SMAD4: variants seen among roughly 807,000 people sequenced by gnomAD.
SMAD4 encodes the protein MAD homolog 4.
In SMAD4, 7 loss-of-function variants were observed where a neutral mutation model predicts 63.2. The observed-to-expected ratio is 0.11, with a 90% CI of 0.06 to 0.21. SMAD4 has a LOEUF of 0.21. Among genes scored for constraint, SMAD4 ranks in the 10% least tolerant of loss-of-function variants. The pLI, the probability that SMAD4 is intolerant of heterozygous loss-of-function variation, is 1.00. For synonymous variants in SMAD4, 215 were observed against 235.4 expected (o/e 0.91, Z 0.79); for missense variants, 312 against 693.8 (o/e 0.45, Z 6.18).
rs2960498 is a variant in SMAD4, at chr18:51,039,190, G to C, written c.-127-7730G>C. 2.6e-5 allele frequency among the ~76,000 whole-genome samples: 4 copies of C among 152,236 alleles called. No homozygotes were observed. In the South Asian group the frequency reaches 8.3e-4, roughly 32 times the overall value. ...AAAGTAACTATTTCTATGCATTATC[G>C]ACTAAATTACTGATTGATTGAATTG... On this transcript the variant is annotated intron_variant, in intron 1 of 11. Coordinates refer to ENST00000342988, the MANE Select transcript of SMAD4 (RefSeq NM_005359.6).
chr18:51,078,558 G>A lies in SMAD4; in HGVS notation c.*91G>A, dbSNP rs1049875. On this transcript the variant is annotated 3_prime_UTR_variant, in exon 12 of 12. Coordinates refer to ENST00000342988, the MANE Select transcript of SMAD4 (RefSeq NM_005359.6). ...TAATCTGAAGATATATTTCACTTTT[G>A]TTCTGCTTTATCTTTTCATAAAGGG... The A allele has an allele frequency of 2.1e-6, 2 of 940,366 alleles. No individual in the cohort carries two copies. Among genetic ancestry groups the A allele is most frequent in the Non-Finnish European group, 3.3e-6 (2 of 611,616 alleles). The allele number at this position is 940,366 out of a possible 1,614,324, so 58.3% of individuals were successfully genotyped here.
chr18:51,076,783 A>G lies in SMAD4; in HGVS notation c.1447+7A>G, dbSNP rs747572179. ...GGAATAGCTCCAGCTATCAGTAAGT[A>G]TGCTTTTCATTCTTTTTTAAAGGTA... On this transcript the variant is annotated splice_region_variant and intron_variant, in intron 11 of 11. Coordinates refer to ENST00000342988, the MANE Select transcript of SMAD4 (RefSeq NM_005359.6). 9 of 1,593,886 alleles carry G rather than the reference A, an allele frequency of 5.6e-6. No homozygotes were observed. The highest frequency in any genetic ancestry group is 7.7e-6 in the Non-Finnish European group (9 of 1,166,728).
intron 10 of SMAD4, among the ~76,000 whole-genome samples, chr18:51,074,954 C>T (rs1910434214): frequency 6.6e-6 from 1 of 152,182 alleles, no homozygotes; most frequent in South Asian, 2.1e-4. Context: ...AAGTGATCCT[C>T]CCACCTGGGC....
intron 1 of SMAD4, among the ~76,000 whole-genome samples, chr18:51,039,194 A>G (rs564508234): frequency 5.9e-5 from 9 of 152,360 alleles, no homozygotes; most frequent in East Asian, 1.9e-4. Flanking sequence ...ATTATCGACT[A>G]AATTACTGAT....
At chr18:51,055,541 A>AG (rs397976297) in intron 5 of SMAD4, among the ~76,000 whole-genome samples, 11 of 150,844 alleles carry the variant, frequency 7.3e-5, no homozygotes, top group African/African-American at 1.5e-4. Context: ...AAAAAAAAAA[A>AG]GTGTTTCAGA....
intron 10 of SMAD4, among the ~76,000 whole-genome samples, chr18:51,069,943 A>G (rs1455421123): frequency 6.6e-6 from 1 of 151,978 alleles, no homozygotes; most frequent in African/African-American, 2.4e-5. Context: ...TGTGGGTTTT[A>G]TTTATCATCA....
intron 1 of SMAD4, among the ~76,000 whole-genome samples, chr18:51,043,574 T>G (rs1366462149): frequency 6.6e-6 from 1 of 152,214 alleles, no homozygotes; most frequent in East Asian, 1.9e-4. Flanking sequence ...ATGCATAACT[T>G]TTAATTATGT....
At chr18:51,073,580 G>A (rs2144467342) in intron 10 of SMAD4, among the ~76,000 whole-genome samples, 1 of 151,878 alleles carries the variant, frequency 6.6e-6, no homozygotes, top group African/African-American at 2.4e-5. Flanking sequence ...GCCCAGGCTG[G>A]AGTGCAGTGG....
At chr18:51,040,873 C>A (rs139980802) in intron 1 of SMAD4, among the ~76,000 whole-genome samples, 2 of 152,212 alleles carry the variant, frequency 1.3e-5, no homozygotes, top group Non-Finnish European at 2.9e-5. Flanking sequence ...ATAGGCCTAA[C>A]TTCTCATCTC....
At chr18:51,044,880 C>T (rs1195362912) in intron 1 of SMAD4, 1 of 152,146 alleles carries the variant, frequency 6.6e-6, no homozygotes, top group African/African-American at 2.4e-5. Flanking sequence ...CAAAATCTCC[C>T]ATGCAGGTTA....
At chr18:51,064,064 T>C (rs2427780) in intron 8 of SMAD4, among the ~76,000 whole-genome samples, 4 of 152,232 alleles carry the variant, frequency 2.6e-5, no homozygotes, top group Admixed American at 6.5e-5. Context: ...TTTTTTTTTT[T>C]CCGTAAGATC....
At chr18:51,071,428 A>G (rs1471578004) in intron 10 of SMAD4, among the ~76,000 whole-genome samples, 4 of 152,176 alleles carry the variant, frequency 2.6e-5, no homozygotes, top group African/African-American at 9.7e-5. Context: ...TGCTTCTCTC[A>G]TGACATAGTA....
chr18:51,057,367 A>T (rs1032753050), intron 5 of SMAD4, among the ~76,000 whole-genome samples: 1 of 152,138 alleles, frequency 6.6e-6, no homozygotes, highest in East Asian at 1.9e-4. Flanking sequence ...ATATCATAGG[A>T]TGGTTTTTGA....
At position 51,062,470 on chromosome 18, in the gene SMAD4, T is replaced by C. The variant is rs547562163; in HGVS notation, c.955+2554T>C. On this transcript the variant is annotated intron_variant, in intron 8 of 11. Transcript: ENST00000342988. ...CTGTCCTGCTTTTTATGGATATCAC[T>C]TTTTTTTTGCTCTTTTATTTATTTT... 2.6e-5 allele frequency among the ~76,000 whole-genome samples: 4 copies of C among 151,300 alleles called. No individual in the cohort carries two copies. The East Asian group carries it at 5.8e-4, about 22-fold the overall frequency.
At chr18:51,068,254 AAAT>A (rs1386366509) in intron 10 of SMAD4, among the ~76,000 whole-genome samples, 1 of 152,228 alleles carries the variant, frequency 6.6e-6, no homozygotes, top group African/African-American at 2.4e-5. Context: ...AGTATAGCGA[AAAT>A]AATAAACCAC....
intron 8 of SMAD4, 119 bp downstream of exon 8, chr18:51,060,035 C>A: frequency 1.3e-6 from 1 of 761,080 alleles, no homozygotes; most frequent in Non-Finnish European, 2.4e-6. Flanking sequence ...CAATACTCAT[C>A]ATGACATGAG....
intron 5 of SMAD4, among the ~76,000 whole-genome samples, chr18:51,057,486 A>AT: frequency 1.3e-5 from 2 of 152,308 alleles, no homozygotes; most frequent in East Asian, 3.9e-4. Flanking sequence ...AAAAGAAATG[A>AT]TTCTTGGTTT....
intron 1 of SMAD4, among the ~76,000 whole-genome samples, chr18:51,035,716 A>G (rs1789263390): frequency 6.6e-6 from 1 of 152,238 alleles, no homozygotes; most frequent in South Asian, 2.1e-4. Context: ...CCAGCTAGCT[A>G]GTACTTCTGT....
At chr18:51,038,912 A>G (rs1250259557) in intron 1 of SMAD4, among the ~76,000 whole-genome samples, 1 of 152,192 alleles carries the variant, frequency 6.6e-6, no homozygotes, top group African/African-American at 2.4e-5. Flanking sequence ...TAAAGGTCCA[A>G]CTTGGCCAAC....
Sources: allele counts gnomAD v4.1 joint callset (sites outside exome capture counted in the v4.1 genomes callset), GRCh38; gene constraint gnomAD v4.1.1; transcripts MANE v1.5; gene names NCBI Gene and HGNC (gene_info 2026-07-23, HGNC 2026-07-21).